The following ZNF28 variants were observed in gnomAD, a reference collection of about 807,000 sequenced individuals.
The protein encoded by ZNF28 is zinc finger protein 28, also known as zinc finger protein KOX24.
A neutral mutation model predicts 7.2 loss-of-function variants in ZNF28; 5 were observed. The observed-to-expected ratio is 0.70, with a 90% CI of 0.36 to 1.46. ZNF28 has a LOEUF of 1.46. ZNF28 is among the 40% of genes most tolerant of loss of function. The pLI is 0.03. For missense variants in ZNF28, 879 were observed against 866.6 expected (o/e 1.01, Z -0.18); for synonymous variants, 288 against 292.4 (o/e 0.99, Z 0.15).
chr19:52,807,305 A>T (rs567827144), intron 3 of ZNF28, among the ~76,000 whole-genome samples: 1 of 152,330 alleles, frequency 6.6e-6, no homozygotes, highest in South Asian at 2.1e-4. Flanking sequence ...AGATGAATCT[A>T]GGAAAATATT....
intron 2 of ZNF28, among the ~76,000 whole-genome samples, chr19:52,813,535 C>G (rs762736281): frequency 1.4e-5 from 2 of 141,110 alleles, no homozygotes; most frequent in African/African-American, 5.7e-5. Flanking sequence ...CCAGACTGTT[C>G]GGCTTGTCAC....
At chr19:52,813,747 C>T (rs114093200) in intron 2 of ZNF28, among the ~76,000 whole-genome samples, 1,626 of 146,134 alleles carry the variant, frequency 0.011, 275 homozygotes, top group African/African-American at 0.041. Context: ...ATCTCCGTTC[C>T]GCTCCCAGCA....
Position 52,801,149 on chromosome 19 carries a change from T to G in ZNF28, c.696A>C (p.Lys232Asn). The stretch of plus-strand genomic sequence containing the variant: ...TCTCTTCTAAGTGGGTTATCTGATG[T>G]TTTTTTAAAAGTGAGCTACAATTAA... ...KSFNCSSLLK[K>N]HQITHLEEKQ... The change falls in exon 4 of 4, where the codon AAA becomes AAC. Residue 232 changes from lysine to asparagine, a missense_variant. Transcript: ENST00000457749. The G allele has an allele frequency of 1.2e-6, 2 of 1,614,102 alleles. No homozygotes were observed. The highest frequency in any genetic ancestry group is 1.1e-5 in the South Asian group (1 of 91,070).
At chr19:52,812,279 T>C (rs1340702460) in intron 2 of ZNF28, among the ~76,000 whole-genome samples, 5 of 139,702 alleles carry the variant, frequency 3.6e-5, no homozygotes, top group Non-Finnish European at 7.4e-5. Flanking sequence ...CAGCGGCTCA[T>C]TGAGAACGGG....
chr19:52,811,173 T>C (rs1030699379), intron 2 of ZNF28, among the ~76,000 whole-genome samples: 12 of 150,960 alleles, frequency 7.9e-5, no homozygotes, highest in East Asian at 3.9e-4. Flanking sequence ...GGATTGCAGA[T>C]GGAGTCTCGT....
chr19:52,811,872 C>T (rs1472691907), intron 2 of ZNF28, among the ~76,000 whole-genome samples: 3 of 140,258 alleles, frequency 2.1e-5, no homozygotes, highest in East Asian at 2.2e-4. Flanking sequence ...CCAGCCGCCC[C>T]GTCCGGGAGG....
intron 2 of ZNF28, among the ~76,000 whole-genome samples, chr19:52,811,917 G>A (rs1256905165): frequency 2.8e-5 from 3 of 108,136 alleles, no homozygotes; most frequent in Non-Finnish European, 5.6e-5. Context: ...CCGGCCAGCC[G>A]CCCTATCCAG....
chr19:52,810,888 TCCCC>T (rs2063021280), intron 2 of ZNF28, among the ~76,000 whole-genome samples: 3 of 3,968 alleles, frequency 7.6e-4, no homozygotes, highest in African/African-American at 1.1e-3. Flanking sequence ...CCCCTCCCCC[TCCCC>T]CTCCCCCTCC....
At chr19:52,821,258 G>A (rs866945207) in intron 1 of ZNF28, among the ~76,000 whole-genome samples, 1 of 152,144 alleles carries the variant, frequency 6.6e-6, no homozygotes, top group African/African-American at 2.4e-5. Context: ...AGGCTGGGAG[G>A]CGCACAGGGT....
In ZNF28 at chr19:52,798,440, A is replaced by C; in HGVS notation, c.*1248T>G. On this transcript the variant is annotated 3_prime_UTR_variant, in exon 4 of 4. Transcript: ENST00000457749. ...TGCTATACTAATGGCATTTGAAACAACTGTCTCCAAAAGGAATTGTCTGAT... is the reference window on the plus strand; with the variant it reads ...TGCTATACTAATGGCATTTGAAACACCTGTCTCCAAAAGGAATTGTCTGAT... The C allele has an allele frequency of 2.3e-6, 1 of 432,410 alleles. No homozygotes were observed. The allele number at this position is 432,410 out of a possible 1,614,324, so 26.8% of individuals were successfully genotyped here. A position where few individuals can be genotyped will look rare whatever the true frequency, so the allele number is the denominator to read the frequency against.
At chr19:52,811,180 T>G (rs556764105) in intron 2 of ZNF28, among the ~76,000 whole-genome samples, 1 of 150,522 alleles carries the variant, frequency 6.6e-6, no homozygotes, top group Non-Finnish European at 1.5e-5. Context: ...AGATGGAGTC[T>G]CGTTCACTCA....
intron 2 of ZNF28, among the ~76,000 whole-genome samples, chr19:52,811,260 C>T (rs1168980085): frequency 2.6e-4 from 39 of 151,652 alleles, no homozygotes; most frequent in Admixed American, 2.3e-3. Context: ...ACCTCCCAGC[C>T]GCCTGCCTTG....
At chr19:52,807,805 TG>T in intron 3 of ZNF28, 2 of 938,982 alleles carry the variant, frequency 2.1e-6, no homozygotes, top group Non-Finnish European at 3.1e-6. Flanking sequence ...ACTTTACTTC[TG>T]GAAGCTCCAC....
intron 1 of ZNF28, among the ~76,000 whole-genome samples, chr19:52,820,108 CTTTTTTT>C (rs71183842): frequency 8.3e-6 from 1 of 120,326 alleles, no homozygotes; most frequent in Non-Finnish European, 1.7e-5. Flanking sequence ...TATTTAACCT[CTTTTTTT>C]TTTTTTTTTT....
In ZNF28 at chr19:52,814,581, C is replaced by G. The variant is rs552367103; in HGVS notation, c.15+3363G>C. On this transcript the variant is annotated intron_variant, in intron 2 of 3. Coordinates refer to ENST00000457749, the MANE Select transcript of ZNF28 (RefSeq NM_006969.5). ...TGCATTCCAGCCTGGACAACCGAGA[C>G]TTTGTCTCAAAAAGAAAAAAAAAAG... Among the ~76,000 whole-genome samples the G allele has an allele frequency of 2.8e-5, 4 of 143,000 alleles. 1 individual carries two copies. Among genetic ancestry groups the G allele is most frequent in the South Asian group, 4.7e-4 (2 of 4,250 alleles). The allele number at this position is 143,000 out of a possible 152,430, so 93.8% of individuals were successfully genotyped here.
At chr19:52,810,025 A>T (rs2062996970) in intron 2 of ZNF28, 1 of 745,154 alleles carries the variant, frequency 1.3e-6, no homozygotes, top group Non-Finnish European at 2.4e-6. Context: ...CCGGAGCCCG[A>T]AGAGGAGCCG....
chr19:52,812,817 T>C (rs1309785577), intron 2 of ZNF28, among the ~76,000 whole-genome samples: 2 of 142,206 alleles, frequency 1.4e-5, no homozygotes, highest in Non-Finnish European at 3.1e-5. Flanking sequence ...GAGAGTGGCA[T>C]GCTTGGATGA....
intron 3 of ZNF28, among the ~76,000 whole-genome samples, chr19:52,803,268 G>A (rs899914441): frequency 1.4e-4 from 21 of 151,308 alleles, no homozygotes; most frequent in African/African-American, 4.4e-4. Flanking sequence ...GTAGAGATGG[G>A]GTTTGGTGAA....
intron 2 of ZNF28, among the ~76,000 whole-genome samples, chr19:52,812,377 G>A (rs1004988166): frequency 7.1e-6 from 1 of 140,124 alleles, no homozygotes; most frequent in Non-Finnish European, 1.5e-5. Context: ...GGGTCTGTGT[G>A]GATAGAAGTA....
Sources: allele counts gnomAD v4.1 joint callset (sites outside exome capture counted in the v4.1 genomes callset), GRCh38; gene constraint gnomAD v4.1.1; transcripts MANE v1.5; gene names NCBI Gene and HGNC (gene_info 2026-07-23, HGNC 2026-07-21).